The following NUP210L variants were observed in gnomAD, a reference collection of about 807,000 sequenced individuals.
NUP210L encodes nucleoporin 210 like, also known as nuclear pore membrane glycoprotein 210-like.
Under a neutral mutation model 208.5 loss-of-function variants are expected in NUP210L, and 74 were observed. The ratio of observed to expected loss-of-function variants is 0.35; its 90% CI spans 0.29 to 0.43. NUP210L has a LOEUF of 0.43. NUP210L is among the 20% of genes least tolerant of loss of function. The pLI, the probability that NUP210L is intolerant of heterozygous loss-of-function variation, is 1.00. For synonymous variants in NUP210L, 780 were observed against 816.9 expected (o/e 0.95, Z 0.77); for missense variants, 1,843 against 2,289.4 (o/e 0.81, Z 3.98).
At chr1:154,046,102 C>A in exon 27 of NUP210L, 3 of 1,614,050 alleles carry the variant, frequency 1.9e-6, no homozygotes, top group Non-Finnish European at 2.5e-6. Flanking sequence ...CCAATACATC[C>A]CTTTTGCTCA....
Position 154,035,820 on chromosome 1 carries a change from G to A in NUP210L, c.3697-5766C>T, listed in dbSNP as rs1652506245. 2.6e-5 allele frequency among the ~76,000 whole-genome samples: 4 copies of A among 151,420 alleles called. No homozygotes were observed. In the South Asian group the frequency reaches 8.4e-4, roughly 32 times the overall value. On this transcript the variant is annotated intron_variant, in intron 27 of 39. Coordinates refer to ENST00000368559, the Ensembl canonical transcript of NUP210L. ...ATGATCTCGGCTCATTGCAACCTCC[G>A]CCTTTCAAGTTCAAGCAATTCTCCT...
chr1:153,995,859 T>C (rs1184483115), intron 37 of NUP210L: 1 of 578,936 alleles, frequency 1.7e-6, no homozygotes, highest in Non-Finnish European at 3.3e-6. Context: ...GGGTTCCATG[T>C]GTGCTAAATG....
chr1:154,050,056 C>T (rs1653404410), intron 25 of NUP210L, among the ~76,000 whole-genome samples: 1 of 152,030 alleles, frequency 6.6e-6, no homozygotes, highest in African/African-American at 2.4e-5. Context: ...AGAAATATTA[C>T]CCCAATATTA....
chr1:154,065,367 C>T (rs1242590479), intron 17 of NUP210L, among the ~76,000 whole-genome samples: 1 of 151,572 alleles, frequency 6.6e-6, no homozygotes, highest in Non-Finnish European at 1.5e-5. Flanking sequence ...TTATAGTAAG[C>T]TATGATCTGC....
chr1:153,993,016 T>G, exon 39 of NUP210L: 3 of 1,613,580 alleles, frequency 1.9e-6, no homozygotes, highest in Non-Finnish European at 2.5e-6. Context: ...CTTTTTTACC[T>G]GGCTGTGGTG....
intron 20 of NUP210L, 106 bp from the exon 21 acceptor site, chr1:154,058,799 T>G: frequency 3.6e-6 from 4 of 1,106,978 alleles, no homozygotes; most frequent in Non-Finnish European, 5.2e-6. Context: ...TTGCTTTCTT[T>G]GAACTGGGGA....
At chr1:154,098,666 C>G (rs1319661444) in intron 14 of NUP210L, among the ~76,000 whole-genome samples, 1 of 152,116 alleles carries the variant, frequency 6.6e-6, no homozygotes, top group Non-Finnish European at 1.5e-5. Flanking sequence ...TTATGGGCAT[C>G]AGAGGGGAGG....
At chr1:154,024,688 A>T (rs1234434428) in intron 30 of NUP210L, among the ~76,000 whole-genome samples, 15 of 136,514 alleles carry the variant, frequency 1.1e-4, no homozygotes, top group South Asian at 2.3e-4. Context: ...AAGCCCGGCT[A>T]TTTTTTTTTT....
At chr1:154,131,411 A>G (rs900064392) in intron 7 of NUP210L, among the ~76,000 whole-genome samples, 10 of 152,210 alleles carry the variant, frequency 6.6e-5, no homozygotes, top group African/African-American at 2.4e-4. Flanking sequence ...ATATCAGAAT[A>G]AGATCTAAGC....
intron 16 of NUP210L, among the ~76,000 whole-genome samples, chr1:154,071,731 G>T (rs897841704): frequency 2.0e-5 from 3 of 150,184 alleles, no homozygotes; most frequent in African/African-American, 7.4e-5. Flanking sequence ...CGCCTCCTGG[G>T]TTCAAGCGAT....
chr1:154,150,977 C>T (rs1173938656), intron 2 of NUP210L, among the ~76,000 whole-genome samples: 2 of 151,976 alleles, frequency 1.3e-5, no homozygotes, highest in African/African-American at 4.8e-5. Flanking sequence ...CATCTATGTA[C>T]ACAATTGTAT....
rs147858759 is a variant in NUP210L, at chr1:153,996,925, CTAAG to C, written c.5387-1749_5387-1746del. On this transcript the variant is annotated intron_variant, in intron 37 of 39. Coordinates refer to ENST00000368559, the Ensembl canonical transcript of NUP210L. ...TGCAGTCATGGCTTACTGCAGCCTC[CTAAG>C]TAACTAGGACTACAGGTGCACACCA... 7.4e-3 allele frequency among the ~76,000 whole-genome samples: 1,105 copies of C among 150,042 alleles called. 11 individuals carry two copies. Among genetic ancestry groups the C allele is most frequent in the African/African-American group, 0.025 (1,027 of 40,658 alleles).
At chr1:154,124,207 AGAG>A (rs1248784862) in intron 10 of NUP210L, among the ~76,000 whole-genome samples, 53 of 124,850 alleles carry the variant, frequency 4.2e-4, no homozygotes, top group African/African-American at 1.2e-3. Context: ...AAAAAAAAAA[AGAG>A]AGAGAGAGAG....
chr1:154,006,946 G>GTGTATATATA (rs767785200), intron 35 of NUP210L, among the ~76,000 whole-genome samples: 3 of 95,444 alleles, frequency 3.1e-5, no homozygotes, highest in Non-Finnish European at 6.1e-5. Flanking sequence ...GTGTGTGTGT[G>GTGTATATATA]TATATATATA....
chr1:154,046,002 A>G, intron 27 of NUP210L, 67 bp downstream of exon 27: 1 of 1,433,010 alleles, frequency 7.0e-7, no homozygotes, highest in Non-Finnish European at 9.4e-7. Context: ...AAAGAAACTT[A>G]TGATAAATTA....
chr1:154,072,875 A>T (rs1654828551), intron 16 of NUP210L, among the ~76,000 whole-genome samples: 1 of 152,208 alleles, frequency 6.6e-6, no homozygotes, highest in Non-Finnish European at 1.5e-5. Context: ...GGATTTCATG[A>T]TCAAGAACCC....
intron 34 of NUP210L, 71 bp from the exon 35 acceptor site, chr1:154,010,192 G>A: frequency 7.0e-7 from 1 of 1,434,086 alleles, no homozygotes; most frequent in Non-Finnish European, 9.5e-7. Flanking sequence ...CCATTATATG[G>A]AGGCAATTTT....
At chr1:154,118,540 G>T in intron 11 of NUP210L, 131 bp downstream of exon 11, 2 of 570,116 alleles carry the variant, frequency 3.5e-6, no homozygotes, top group East Asian at 2.9e-5. Flanking sequence ...GTATAATTTT[G>T]GTTGTCACCA....
Position 153,995,151 on chromosome 1 carries a change from G to A in NUP210L, c.5416C>T (p.Arg1806Trp), listed in dbSNP as rs369691737. The A allele has an allele frequency of 1.2e-5, 19 of 1,613,678 alleles. 1 individual carries two copies. The highest frequency in any genetic ancestry group is 9.3e-5 in the African/African-American group (7 of 74,894). Residue 1806 changes from arginine (R) to tryptophan (W), a missense_variant, in exon 38 of 40, where the codon CGG becomes TGG. Coordinates refer to ENST00000368559, the Ensembl canonical transcript of NUP210L. ...AGGATCTGGTAAGAGCCAGTGAACC[G>A]CTTGAGGATGGCGGAATCTTCACAG...
Sources: allele counts gnomAD v4.1 joint callset (sites outside exome capture counted in the v4.1 genomes callset), GRCh38; gene constraint gnomAD v4.1.1; transcripts MANE v1.5; gene names NCBI Gene and HGNC (gene_info 2026-07-23, HGNC 2026-07-21).